The following MACROD1 variants were observed in gnomAD, a reference collection of about 807,000 sequenced individuals.
MACROD1 encodes ADP-ribose glycohydrolase MACROD1.
Under a neutral mutation model 41.4 loss-of-function variants are expected in MACROD1, and 31 were observed. The ratio of observed to expected loss-of-function variants is 0.75; its 90% CI spans 0.56 to 1.01. The LOEUF (loss-of-function observed/expected upper bound fraction) is 1.01. Among genes scored for constraint, MACROD1 ranks in the 50% least tolerant of loss-of-function variants. MACROD1 has a pLI of 0.00. For missense variants in MACROD1, 473 were observed against 460.0 expected, an observed-to-expected ratio of 1.03 and a Z score of -0.26; for synonymous variants, 252 against 203.4, an observed-to-expected ratio of 1.24 and a Z score of -2.03.
intron 4 of MACROD1, among the ~76,000 whole-genome samples, chr11:64,007,192 G>T (rs754472120): frequency 1.3e-5 from 2 of 152,228 alleles, no homozygotes; most frequent in African/African-American, 2.4e-5. Flanking sequence ...TGCGTACGAG[G>T]GCTCGGGGGC....
chr11:64,152,896 T>C (rs1199110932), intron 1 of MACROD1, among the ~76,000 whole-genome samples: 1 of 152,216 alleles, frequency 6.6e-6, no homozygotes. Flanking sequence ...CTCCAGGAGC[T>C]GCAGGACCAA....
intron 3 of MACROD1, among the ~76,000 whole-genome samples, chr11:64,149,357 G>A (rs1212929208): frequency 6.6e-6 from 1 of 152,166 alleles, no homozygotes; most frequent in African/African-American, 2.4e-5. Flanking sequence ...CAAGGACACA[G>A]AGAAGGGGAG....
At chr11:64,088,757 A>C (rs1944439084) in intron 3 of MACROD1, among the ~76,000 whole-genome samples, 1 of 152,118 alleles carries the variant, frequency 6.6e-6, no homozygotes, top group South Asian at 2.1e-4. Context: ...GCACGAGATG[A>C]ACGACAGCAG....
chr11:64,035,412 A>AATGG (rs1331389599), intron 3 of MACROD1, among the ~76,000 whole-genome samples: 1 of 152,010 alleles, frequency 6.6e-6, no homozygotes. Context: ...TGAATGAATG[A>AATGG]ATGGATGGCT....
intron 3 of MACROD1, among the ~76,000 whole-genome samples, chr11:64,115,114 T>C (rs1944953280): frequency 6.6e-6 from 1 of 152,192 alleles, no homozygotes; most frequent in Non-Finnish European, 1.5e-5. Flanking sequence ...TGTCCCATCA[T>C]TGAAAAGCCT....
chr11:64,150,019 C>T (rs931354794), intron 3 of MACROD1, among the ~76,000 whole-genome samples: 2 of 152,254 alleles, frequency 1.3e-5, no homozygotes, highest in African/African-American at 4.8e-5. Context: ...TGAGCAGAAA[C>T]TCCTGCCTAC....
chr11:64,089,821 A>G (rs1944458802), intron 3 of MACROD1, among the ~76,000 whole-genome samples: 1 of 152,036 alleles, frequency 6.6e-6, no homozygotes, highest in Non-Finnish European at 1.5e-5. Flanking sequence ...GTGCCCACTC[A>G]TAGGTGTCCT....
chr11:64,000,047 CG>C, intron 5 of MACROD1, 179 bp downstream of exon 5: 1 of 633,730 alleles, frequency 1.6e-6, no homozygotes, highest in Non-Finnish European at 2.7e-6. Context: ...CCTCCACGCA[CG>C]GTCTCCCCCA....
intron 1 of MACROD1, among the ~76,000 whole-genome samples, chr11:64,154,647 C>T (rs1208347386): frequency 6.6e-6 from 1 of 152,222 alleles, no homozygotes; most frequent in Non-Finnish European, 1.5e-5. Flanking sequence ...AACAGCCAGG[C>T]TGCTTCCTGC....
chr11:64,026,589 G>A (rs543259585), intron 3 of MACROD1, among the ~76,000 whole-genome samples: 26 of 152,234 alleles, frequency 1.7e-4, no homozygotes, highest in East Asian at 5.8e-4. Flanking sequence ...TCAGATGATC[G>A]TGTTAAAATA....
At chr11:64,133,492 G>A (rs1448702665) in intron 3 of MACROD1, among the ~76,000 whole-genome samples, 1 of 152,164 alleles carries the variant, frequency 6.6e-6, no homozygotes, top group South Asian at 2.1e-4. Context: ...CGTGTGAAGT[G>A]TGGCTCGCGT....
chr11:64,007,898 G>C (rs1348987129), intron 4 of MACROD1, among the ~76,000 whole-genome samples: 1 of 152,224 alleles, frequency 6.6e-6, no homozygotes, highest in Admixed American at 6.5e-5. Context: ...GCCTCCAGAG[G>C]GCCGAGGCTG....
chr11:64,085,572 C>T (rs9633997), intron 3 of MACROD1, among the ~76,000 whole-genome samples: 34,675 of 152,120 alleles, frequency 0.23, 4,968 homozygotes, highest in East Asian at 0.42. Context: ...TGCCGCCCGC[C>T]CGGGTCCACC....
chr11:64,058,558 G>A (rs1298257700), intron 3 of MACROD1, among the ~76,000 whole-genome samples: 1 of 152,262 alleles, frequency 6.6e-6, no homozygotes, highest in Non-Finnish European at 1.5e-5. Flanking sequence ...ATGCCACGAG[G>A]ACACTGAAGA....
intron 3 of MACROD1, among the ~76,000 whole-genome samples, chr11:64,088,598 CCT>C (rs1436117390): frequency 7.0e-6 from 1 of 143,518 alleles, no homozygotes; most frequent in African/African-American, 2.7e-5. Flanking sequence ...CTCTCCTCCT[CCT>C]CCCCGGGTTT....
chr11:64,031,436 G>A (rs183242651), intron 3 of MACROD1, among the ~76,000 whole-genome samples: 1 of 151,088 alleles, frequency 6.6e-6, no homozygotes, highest in African/African-American at 2.4e-5. Flanking sequence ...ACTTGGATCA[G>A]AGAAGCTGCT....
chr11:64,059,369 C>T (rs1943853037), intron 3 of MACROD1, among the ~76,000 whole-genome samples: 1 of 152,192 alleles, frequency 6.6e-6, no homozygotes, highest in Admixed American at 6.5e-5. Context: ...CCAAGAGGCT[C>T]GCAGCCCAGC....
intron 3 of MACROD1, among the ~76,000 whole-genome samples, chr11:64,017,760 CTG>C (rs1459110082): frequency 2.0e-5 from 3 of 152,240 alleles, no homozygotes; most frequent in Middle Eastern, 3.4e-3. Flanking sequence ...CGGTCGGCAG[CTG>C]CCCTCCTCGG....
Position 64,000,332 on chromosome 11 carries a change from T to C in MACROD1, c.559A>G (p.Ile187Val). The C allele has an allele frequency of 1.3e-6, 2 of 1,581,792 alleles. No homozygotes were observed. Among genetic ancestry groups the C allele is most frequent in the East Asian group, 2.3e-5 (1 of 42,862 alleles). Residue 187 changes from isoleucine (I) to valine (V), a missense_variant, in exon 5 of 11, where the codon ATT becomes GTT. Physicochemically the swap from Ile to Val is conservative, Grantham distance 29 (BLOSUM62 3). Transcript: ENST00000255681. ...LLGGGGVDGC[I>V]HRAAGPLLTD... is the part of the protein sequence containing the mutation. ...AGCAGGGGGCCGGCGGCCCGATGAA[T>C]GCAGCCGTCCACTGCGGGAAGGGCG... is the stretch of plus-strand genomic sequence containing the variant.
Sources: allele counts gnomAD v4.1 joint callset (sites outside exome capture counted in the v4.1 genomes callset), GRCh38; gene constraint gnomAD v4.1.1; transcripts MANE v1.5; gene names NCBI Gene and HGNC (gene_info 2026-07-23, HGNC 2026-07-21).